The following IL19 variants were observed in gnomAD, a reference collection of about 807,000 sequenced individuals.
The protein encoded by IL19 is interleukin 19.
IL19 carries 15 observed loss-of-function variants against 19.5 expected under a neutral mutation model. The ratio of observed to expected loss-of-function variants is 0.77; its 90% confidence interval spans 0.52 to 1.19. IL19 has a LOEUF of 1.19. Among genes scored for constraint, IL19 ranks in the 50% most tolerant of loss-of-function variants. The pLI is 0.00. For missense variants in IL19, 199 were observed against 213.1 expected (o/e 0.93, Z 0.41); for synonymous variants, 78 against 78.3 (o/e 1.00, Z 0.02).
At chr1:206,806,630 A>G (rs1406471904) in intron 2 of IL19, among the ~76,000 whole-genome samples, 1 of 152,226 alleles carries the variant, frequency 6.6e-6, no homozygotes, top group African/African-American at 2.4e-5. Flanking sequence ...GCAAGCCAGT[A>G]AAAAATGTAT....
intron 2 of IL19, among the ~76,000 whole-genome samples, chr1:206,808,584 A>G (rs1290247112): frequency 2.0e-5 from 3 of 151,926 alleles, no homozygotes; most frequent in Non-Finnish European, 4.4e-5. Context: ...GAGATCTGGC[A>G]CTGAGACAGA....
chr1:206,795,116 G>T (rs923082141), intron 1 of IL19, among the ~76,000 whole-genome samples: 3 of 152,212 alleles, frequency 2.0e-5, no homozygotes, highest in African/African-American at 4.8e-5. Context: ...ATAGGGGCCA[G>T]TCTAGATCCA....
intron 4 of IL19, among the ~76,000 whole-genome samples, chr1:206,837,883 G>A (rs1292904013): frequency 6.6e-6 from 1 of 152,150 alleles, no homozygotes; most frequent in Non-Finnish European, 1.5e-5. Context: ...GGGCATGCTA[G>A]TGTCCCAAGG....
At chr1:206,840,522 T>C (rs1323370013) in intron 5 of IL19, 2 of 218,490 alleles carry the variant, frequency 9.2e-6, no homozygotes, top group East Asian at 1.2e-4. Flanking sequence ...TGTGAGACTT[T>C]GTGGCAAGTG....
In IL19 at chr1:206,771,033, A is replaced by C. The variant is rs775288303; in HGVS notation, c.-194A>C. ...CCTCCAGGTAAAACTGGATCATCTC[A>C]GACAAGGCTTGGCAACCCAGGTAAC... On this transcript the variant is annotated 5_prime_UTR_variant, in exon 1 of 7. Coordinates refer to ENST00000659997, the MANE Select transcript of IL19 (RefSeq NM_153758.5). The C allele has an allele frequency of 6.2e-6, 10 of 1,613,930 alleles. No individual in the cohort carries two copies. The highest frequency in any genetic ancestry group is 8.5e-6 in the Non-Finnish European group (10 of 1,179,944).
intron 4 of IL19, among the ~76,000 whole-genome samples, chr1:206,838,027 A>G (rs1230998750): frequency 6.6e-6 from 1 of 152,238 alleles, no homozygotes; most frequent in Admixed American, 6.5e-5. Flanking sequence ...GTATAAAAGA[A>G]TAAAAGAAAA....
rs765355428 is a variant in IL19, at chr1:206,842,511, T to A, written c.439-16T>A. On this transcript the variant is annotated splice_polypyrimidine_tract_variant and intron_variant, in intron 6 of 6. Coordinates refer to ENST00000659997, the MANE Select transcript of IL19 (RefSeq NM_153758.5). ...AGTCTAGAAAGGTGGGTTCTTACAT[T>A]GATCTCTGATTTCAGCTGGAGGTCC... is the stretch of plus-strand genomic sequence containing the variant. 6.6e-7 allele frequency: 1 copy of A among 1,511,810 alleles called. No homozygotes were observed. The highest frequency in any genetic ancestry group is 1.2e-5 in the South Asian group (1 of 83,532). 93.6% of individuals were successfully genotyped at this position (1,511,810 alleles called of 1,614,324 possible).
At chr1:206,792,387 A>T (rs1675429435) in intron 1 of IL19, among the ~76,000 whole-genome samples, 1 of 152,092 alleles carries the variant, frequency 6.6e-6, no homozygotes, top group South Asian at 2.1e-4. Context: ...CCCTAGAAAA[A>T]ATTGTGTAAT....
At chr1:206,806,421 T>A (rs1343794220) in intron 2 of IL19, among the ~76,000 whole-genome samples, 1 of 152,150 alleles carries the variant, frequency 6.6e-6, no homozygotes, top group African/African-American at 2.4e-5. Context: ...AAAAACTCAA[T>A]AAATAAATAG....
chr1:206,804,470 G>A (rs543177233), intron 2 of IL19, among the ~76,000 whole-genome samples: 54 of 152,266 alleles, frequency 3.5e-4, no homozygotes, highest in African/African-American at 1.3e-3. Context: ...AATAATTTAG[G>A]TAATGAGAAG....
At chr1:206,771,138 G>T in intron 1 of IL19, 60 bp downstream of exon 1, 1 of 1,496,532 alleles carries the variant, frequency 6.7e-7, no homozygotes, top group Middle Eastern at 1.7e-4. Context: ...AGCTTAAGAG[G>T]ACAGCTTGGT....
At chr1:206,838,390 T>A (rs1676871453) in intron 4 of IL19, among the ~76,000 whole-genome samples, 1 of 152,222 alleles carries the variant, frequency 6.6e-6, no homozygotes, top group African/African-American at 2.4e-5. Context: ...TTTCTCTGCA[T>A]ACGTGAGAGA....
chr1:206,771,539 A>C, intron 1 of IL19: 1 of 782,888 alleles, frequency 1.3e-6, no homozygotes, highest in South Asian at 1.5e-5. Flanking sequence ...GCCCAAAAAA[A>C]TCAAAAGGGG....
intron 2 of IL19, among the ~76,000 whole-genome samples, chr1:206,827,256 A>AT (rs1026661590): frequency 1.3e-5 from 2 of 151,720 alleles, no homozygotes; most frequent in East Asian, 1.9e-4. Context: ...TAGAAATATT[A>AT]TTTTTTTCTG....
chr1:206,778,282 C>G (rs138266720), intron 1 of IL19, among the ~76,000 whole-genome samples: 12 of 152,308 alleles, frequency 7.9e-5, no homozygotes, highest in Non-Finnish European at 1.5e-4. Flanking sequence ...AGGGGATGGA[C>G]ACTGTGCTCT....
At chr1:206,806,865 G>T (rs1231618146) in intron 2 of IL19, among the ~76,000 whole-genome samples, 1 of 152,158 alleles carries the variant, frequency 6.6e-6, no homozygotes, top group African/African-American at 2.4e-5. Context: ...CAATGGTCTA[G>T]TAAACCAGAT....
At chr1:206,840,086 T>A (rs1379232127) in intron 5 of IL19, 84 bp downstream of exon 5, 20 of 1,448,146 alleles carry the variant, frequency 1.4e-5, no homozygotes, top group Non-Finnish European at 1.9e-5. Flanking sequence ...ATCGGCCTCC[T>A]GATATGGTGC....
intron 1 of IL19, among the ~76,000 whole-genome samples, chr1:206,794,988 T>C (rs1022989971): frequency 6.6e-6 from 1 of 152,228 alleles, no homozygotes; most frequent in African/African-American, 2.4e-5. Context: ...GCTTTGTGCC[T>C]GGCAGATCAC....
intron 1 of IL19, 182 bp downstream of exon 1, chr1:206,771,260 G>T: frequency 1.6e-6 from 2 of 1,277,844 alleles, no homozygotes; most frequent in Non-Finnish European, 2.3e-6. Flanking sequence ...TTTTCAAAGC[G>T]AAGGAAACAA....
Sources: gnomAD v4.1 joint callset for allele counts (sites outside exome capture counted in the v4.1 genomes callset) on GRCh38, gnomAD v4.1.1 for gene constraint, MANE v1.5 for transcripts, NCBI Gene and HGNC (gene_info 2026-07-23, HGNC 2026-07-21) for gene names.